Variants in SDK1 observed in about 807,000 individuals in gnomAD.
SDK1 encodes the protein sidekick cell adhesion molecule 1.
Under a neutral mutation model 245.5 loss-of-function variants are expected in SDK1, and 157 were observed. The ratio of observed to expected loss-of-function variants is 0.64; its 90% CI spans 0.56 to 0.73. The LOEUF is 0.73. Ranked by LOEUF, SDK1 falls within the 30% of genes least tolerant of loss-of-function variation. The pLI, the probability that SDK1 is intolerant of heterozygous loss-of-function variation, is 0.00. For missense variants in SDK1, 3,583 were observed against 3,002.3 expected (o/e 1.19, Z -4.52); for synonymous variants, 1,647 against 1,278.5 (o/e 1.29, Z -6.15).
At position 3,885,651 on chromosome 7, in the gene SDK1, G is replaced by A. The variant is rs140597855; in HGVS notation, c.847+64068G>A. On this transcript the variant is annotated intron_variant, in intron 5 of 44. Coordinates refer to ENST00000404826, the MANE Select transcript of SDK1 (RefSeq NM_152744.4). ...TTTCTTTCCTAAGTTGATAAACGCT[G>A]TGGTATCAATTATCATATCTTTCAA... is the stretch of plus-strand genomic sequence containing the variant. Among the ~76,000 whole-genome samples the A allele has an allele frequency of 2.0e-5, 3 of 152,206 alleles. No homozygotes were observed. The East Asian group carries it at 5.8e-4, about 29-fold the overall frequency.
chr7:3,584,531 C>G (rs374977927), intron 1 of SDK1, among the ~76,000 whole-genome samples: 1 of 152,272 alleles, frequency 6.6e-6, no homozygotes, highest in South Asian at 2.1e-4. Context: ...AGAGTTGAAC[C>G]TTTATCAATG....
chr7:3,501,250 C>T (rs1263743675), intron 1 of SDK1, among the ~76,000 whole-genome samples: 1 of 152,066 alleles, frequency 6.6e-6, no homozygotes, highest in African/African-American at 2.4e-5. Flanking sequence ...TCCTCTTGGA[C>T]TGATTAGATT....
chr7:3,546,707 C>T (rs1246127917), intron 1 of SDK1, among the ~76,000 whole-genome samples: 1 of 152,192 alleles, frequency 6.6e-6, no homozygotes, highest in East Asian at 1.9e-4. Context: ...TCACAAGGAA[C>T]CTGTGGTCAC....
intron 5 of SDK1, among the ~76,000 whole-genome samples, chr7:3,898,257 A>G (rs1350586450): frequency 6.6e-6 from 1 of 152,172 alleles, no homozygotes; most frequent in African/African-American, 2.4e-5. Flanking sequence ...GTTGACCTGA[A>G]ACCTGAGAGT....
At chr7:3,545,289 A>G (rs905310117) in intron 1 of SDK1, among the ~76,000 whole-genome samples, 10 of 152,168 alleles carry the variant, frequency 6.6e-5, no homozygotes, top group African/African-American at 2.4e-4. Context: ...GGGGTCAGAA[A>G]AATGGTGGGG....
intron 5 of SDK1, among the ~76,000 whole-genome samples, chr7:3,859,139 G>A (rs1281682405): frequency 6.6e-6 from 1 of 152,130 alleles, no homozygotes; most frequent in Non-Finnish European, 1.5e-5. Flanking sequence ...TGGGATTACA[G>A]GCGTGAGCCA....
intron 7 of SDK1, 94 bp downstream of exon 7, chr7:3,952,014 T>G (rs3801067): frequency 0.33 from 385,034 of 1,166,674 alleles, 66,216 homozygotes; most frequent in Admixed American, 0.39. Context: ...TTTCAGTGGC[T>G]TTATTTGTAA....
intron 41 of SDK1, among the ~76,000 whole-genome samples, chr7:4,235,067 G>A (rs1188871673): frequency 2.6e-5 from 4 of 152,196 alleles, no homozygotes; most frequent in Non-Finnish European, 4.4e-5. Flanking sequence ...GTCTGTGGGT[G>A]AGCGTGGGCC....
At chr7:4,159,366 T>C (rs1168640709) in intron 31 of SDK1, among the ~76,000 whole-genome samples, 1 of 152,202 alleles carries the variant, frequency 6.6e-6, no homozygotes, top group Non-Finnish European at 1.5e-5. Flanking sequence ...GCAGAGGGTT[T>C]GAGCAAACCA....
At chr7:4,153,397 C>T (rs958538736) in intron 30 of SDK1, among the ~76,000 whole-genome samples, 1 of 152,008 alleles carries the variant, frequency 6.6e-6, no homozygotes, top group Non-Finnish European at 1.5e-5. Flanking sequence ...CCCATCCTGG[C>T]CGATATGGTG....
chr7:3,680,976 G>A (rs561903568), intron 4 of SDK1, among the ~76,000 whole-genome samples: 50 of 152,240 alleles, frequency 3.3e-4, no homozygotes, highest in African/African-American at 1.1e-3. Context: ...CGGAGTAGCT[G>A]GGACTACAGG....
intron 1 of SDK1, among the ~76,000 whole-genome samples, chr7:3,387,024 C>A (rs1261853827): frequency 2.0e-5 from 3 of 152,118 alleles, no homozygotes; most frequent in African/African-American, 4.8e-5. Flanking sequence ...TGGTTGCTTG[C>A]ATGTAAGTGG....
intron 4 of SDK1, among the ~76,000 whole-genome samples, chr7:3,817,865 C>T (rs564653614): frequency 6.6e-6 from 1 of 152,310 alleles, no homozygotes; most frequent in South Asian, 2.1e-4. Flanking sequence ...AAGCACTTAG[C>T]GAGTGCTCAC....
At chr7:3,449,744 G>C in intron 1 of SDK1, among the ~76,000 whole-genome samples, 1 of 152,174 alleles carries the variant, frequency 6.6e-6, no homozygotes, top group South Asian at 2.1e-4. Flanking sequence ...TAACTAGTTT[G>C]TTCGTTCATT....
chr7:4,014,551 C>T (rs1051882852), intron 16 of SDK1, among the ~76,000 whole-genome samples: 2 of 152,196 alleles, frequency 1.3e-5, no homozygotes, highest in South Asian at 4.1e-4. Context: ...GGCACAGTCT[C>T]TGTGTCAGAT....
rs1410257935 is a variant in SDK1, at chr7:3,301,609, C to T, written c.23C>T (p.Ser8Leu). The T allele has an allele frequency of 4.1e-5, 40 of 976,376 alleles. No homozygotes were observed. The highest frequency in any genetic ancestry group is 4.7e-5 in the Non-Finnish European group (39 of 825,844). The allele number at this position is 976,376 out of a possible 1,614,324, so 60.5% of individuals were successfully genotyped here. Residue 8 changes from serine to leucine, a missense_variant, in exon 1 of 45, where the codon TCG (serine) becomes TTG (leucine). By Grantham distance (145) the Ser-to-Leu change is moderately radical (BLOSUM62 -2). Transcript: ENST00000404826. ...GGCATGGCCCGGGGCGCCCGGCCCTCGGCGGCCGGTGGCGGCGGCGGCGGC... is the reference window on the plus strand; with the variant it reads ...GGCATGGCCCGGGGCGCCCGGCCCTTGGCGGCCGGTGGCGGCGGCGGCGGC... MARGARP[S>L]AAGGGGGGAE... is the part of the protein sequence containing the mutation.
intron 3 of SDK1, among the ~76,000 whole-genome samples, chr7:3,639,849 TATAA>T (rs1782595681): frequency 6.6e-6 from 1 of 151,772 alleles, no homozygotes; most frequent in Admixed American, 6.6e-5. Context: ...ATGTTATATA[TATAA>T]ATAAATATAT....
intron 1 of SDK1, among the ~76,000 whole-genome samples, chr7:3,610,208 G>A (rs190574349): frequency 6.6e-6 from 1 of 152,192 alleles, no homozygotes; most frequent in Non-Finnish European, 1.5e-5. Context: ...TTACATCTCA[G>A]TTTTTATGGC....
intron 17 of SDK1, among the ~76,000 whole-genome samples, chr7:4,036,481 T>G (rs17134237): frequency 0.12 from 18,430 of 152,258 alleles, 1,268 homozygotes; most frequent in African/African-American, 0.17. Context: ...CTGACTTCTT[T>G]AGGATTACAA....
Sources: gnomAD v4.1 joint callset for allele counts (sites outside exome capture counted in the v4.1 genomes callset) on GRCh38, gnomAD v4.1.1 for gene constraint, MANE v1.5 for transcripts, NCBI Gene and HGNC (gene_info 2026-07-23, HGNC 2026-07-21) for gene names.